SLC5A12: variants seen among roughly 807,000 people sequenced by gnomAD.
SLC5A12 encodes solute carrier family 5 member 12.
In SLC5A12, 46 loss-of-function variants were observed where a neutral mutation model predicts 72.7. That is an observed-to-expected ratio of 0.63 (90% CI 0.50 to 0.81). SLC5A12 has a LOEUF of 0.81. Among genes scored for constraint, SLC5A12 ranks in the 30% least tolerant of loss-of-function variants. SLC5A12 has a pLI of 0.00. For synonymous variants in SLC5A12, 275 were observed against 264.4 expected, an observed-to-expected ratio of 1.04 and a Z score of -0.39; for missense variants, 683 against 740.7, an observed-to-expected ratio of 0.92 and a Z score of 0.90.
intron 9 of SLC5A12, among the ~76,000 whole-genome samples, chr11:26,688,279 A>G (rs1274069145): frequency 3.3e-5 from 5 of 152,348 alleles, no homozygotes; most frequent in African/African-American, 1.2e-4. Flanking sequence ...GATTTTCCCA[A>G]TGCAGCATCA....
At chr11:26,673,265 C>T (rs4278475) in intron 14 of SLC5A12, 137 bp downstream of exon 14, 938,834 of 1,017,136 alleles carry the variant, frequency 0.92, 434,892 homozygotes, top group Non-Finnish European at 0.95. Context: ...AACTCTGAAG[C>T]TGAAACTCAA....
chr11:26,711,469 G>A (rs187708186), intron 2 of SLC5A12, 111 bp from the exon 3 acceptor site: 3 of 811,006 alleles, frequency 3.7e-6, no homozygotes, highest in East Asian at 2.7e-5. Flanking sequence ...ACTTGTTCAT[G>A]AAACATTGCA....
intron 3 of SLC5A12, among the ~76,000 whole-genome samples, chr11:26,710,335 T>C: frequency 6.6e-6 from 1 of 152,194 alleles, no homozygotes; most frequent in East Asian, 1.9e-4. Flanking sequence ...TATGTGTGCA[T>C]GTGTCTTTAT....
rs1034032092 is a variant in SLC5A12 at position 26,678,811 on chromosome 11, C to T, written c.1480G>A (p.Gly494Arg). 6.2e-7 allele frequency: 1 copy of T among 1,610,884 alleles called. No individual in the cohort carries two copies. Among genetic ancestry groups the T allele is most frequent in the South Asian group, 1.1e-5 (1 of 90,958 alleles). ...ATCGAGTACCAGGTATCAGCTATTC[C>T]AGGTCTGTGGAGAACAGCACATGTC... ...TGPPVLSSRP[G>R]IADTWYSISY... The change falls in exon 13 of 15, where the codon GGA (glycine) becomes AGA (arginine). Residue 494 changes from glycine to arginine, a missense_variant. Physicochemically the swap from Gly to Arg is moderately radical, Grantham distance 125. Transcript: ENST00000396005.
chr11:26,719,895 T>G (rs1855438848), intron 1 of SLC5A12, among the ~76,000 whole-genome samples: 1 of 152,216 alleles, frequency 6.6e-6, no homozygotes, highest in African/African-American at 2.4e-5. Flanking sequence ...CTGCCTGGTT[T>G]GAAAAACTGT....
At chr11:26,713,984 C>T (rs996125946) in intron 1 of SLC5A12, among the ~76,000 whole-genome samples, 2 of 152,088 alleles carry the variant, frequency 1.3e-5, no homozygotes, top group African/African-American at 2.4e-5. Context: ...TTTCCCACTA[C>T]CTCCCTCATA....
In SLC5A12 at chr11:26,670,480, A is replaced by AT. The variant is rs921105335; in HGVS notation, c.*621dup. 202 of 149,178 alleles carry AT rather than the reference A, an allele frequency of 1.4e-3. No individual in the cohort carries two copies. Among genetic ancestry groups the AT allele is most frequent in the African/African-American group, 4.1e-3 (167 of 40,646 alleles). The allele number at this position is 149,178 out of a possible 1,614,324, so 9.2% of individuals were successfully genotyped here. ...ACCATCTTCTTCTGTATTTAGCTGAATTTTTTTTTTAATGTTTGGTCAGGA... is the reference window on the plus strand; with the variant it reads ...ACCATCTTCTTCTGTATTTAGCTGAATTTTTTTTTTTAATGTTTGGTCAGGA... On this transcript the variant is annotated 3_prime_UTR_variant, in exon 15 of 15. Coordinates refer to ENST00000396005, the MANE Select transcript of SLC5A12 (RefSeq NM_178498.4).
At chr11:26,698,157 C>G (rs574100725) in intron 7 of SLC5A12, among the ~76,000 whole-genome samples, 77 of 152,134 alleles carry the variant, frequency 5.1e-4, no homozygotes, top group African/African-American at 1.8e-3. Flanking sequence ...CTCGGCCTCC[C>G]AAAGTGCTGG....
chr11:26,702,746 T>G (rs1247496924), intron 6 of SLC5A12, among the ~76,000 whole-genome samples: 1 of 152,128 alleles, frequency 6.6e-6, no homozygotes, highest in Admixed American at 6.6e-5. Context: ...GTTTTCTTAT[T>G]TTTTTAACCT....
chr11:26,684,926 T>C (rs1455400984), intron 10 of SLC5A12, among the ~76,000 whole-genome samples: 1 of 152,192 alleles, frequency 6.6e-6, no homozygotes, highest in Non-Finnish European at 1.5e-5. Flanking sequence ...AATAAGTGCC[T>C]GAGATCACTA....
intron 13 of SLC5A12, among the ~76,000 whole-genome samples, chr11:26,677,085 G>C (rs866587803): frequency 6.6e-6 from 1 of 151,664 alleles, no homozygotes; most frequent in Middle Eastern, 3.4e-3. Flanking sequence ...CAGACCTGAG[G>C]TTATCAGGCT....
intron 9 of SLC5A12, among the ~76,000 whole-genome samples, 162 bp from the exon 10 acceptor site, chr11:26,686,706 C>A (rs1314393845): frequency 6.6e-6 from 1 of 152,154 alleles, no homozygotes; most frequent in Non-Finnish European, 1.5e-5. Flanking sequence ...CCAAGAGAGG[C>A]ACTTAGGAAG....
chr11:26,715,308 G>A (rs971531472), intron 1 of SLC5A12, among the ~76,000 whole-genome samples: 1 of 145,782 alleles, frequency 6.9e-6, no homozygotes, highest in East Asian at 2.1e-4. Context: ...AGAGTGTTCT[G>A]AGCCTTTGCA....
chr11:26,715,809 T>A (rs971647648), intron 1 of SLC5A12, among the ~76,000 whole-genome samples: 2 of 152,142 alleles, frequency 1.3e-5, no homozygotes. Context: ...GGACAAGCTG[T>A]CTCATTTGCA....
At chr11:26,698,281 A>G (rs1469788104) in intron 7 of SLC5A12, 125 bp downstream of exon 7, 2 of 1,268,746 alleles carry the variant, frequency 1.6e-6, no homozygotes, top group Non-Finnish European at 1.1e-6. Flanking sequence ...AAAGAAACCA[A>G]CTTCTTGGGG....
At chr11:26,675,005 G>A (rs556042953) in intron 13 of SLC5A12, among the ~76,000 whole-genome samples, 6 of 152,226 alleles carry the variant, frequency 3.9e-5, no homozygotes, top group African/African-American at 1.4e-4. Flanking sequence ...ACTCTGTAAC[G>A]CTCCATTTGC....
chr11:26,712,895 A>G (rs1855265262), intron 1 of SLC5A12, among the ~76,000 whole-genome samples, 189 bp from the exon 2 acceptor site: 1 of 152,136 alleles, frequency 6.6e-6, no homozygotes, highest in African/African-American at 2.4e-5. Flanking sequence ...TTAAAAATCA[A>G]TTTCTGTTCG....
intron 7 of SLC5A12, 49 bp downstream of exon 7, chr11:26,698,357 A>G (rs748863265): frequency 1.9e-6 from 3 of 1,597,926 alleles, no homozygotes; most frequent in Non-Finnish European, 2.6e-6. Context: ...CAATAGCTAG[A>G]AGCACGCTCA....
At position 26,721,605 on chromosome 11, in the gene SLC5A12, G is replaced by A; in HGVS notation, c.110C>T (p.Thr37Ile). Residue 37 changes from threonine to isoleucine, a missense_variant, in exon 1 of 15, where the codon ACT (threonine) becomes ATT (isoleucine). Physicochemically the swap from Thr to Ile is moderately conservative, Grantham distance 89. Transcript: ENST00000396005. ...TCCCCCAACCAGGAACTCTCGGGAA[G>A]TTGCCTTTTTTCTCTCCTTAATGGC... ...FFAIKERKKA[T>I]SREFLVGGRQ... The A allele has an allele frequency of 6.2e-7, 1 of 1,614,206 alleles. No individual in the cohort carries two copies. The highest frequency in any genetic ancestry group is 8.5e-7 in the Non-Finnish European group (1 of 1,180,046).
Sources: gnomAD v4.1 joint callset for allele counts (sites outside exome capture counted in the v4.1 genomes callset) on GRCh38, gnomAD v4.1.1 for gene constraint, MANE v1.5 for transcripts, NCBI Gene and HGNC (gene_info 2026-07-23, HGNC 2026-07-21) for gene names.